Variants in POU2F1 observed in about 807,000 individuals in gnomAD.
The protein encoded by POU2F1 is POU domain, class 2, transcription factor 1.
POU2F1 carries 16 observed loss-of-function variants against 84.9 expected under a neutral mutation model. The ratio of observed to expected loss-of-function variants is 0.19; its 90% CI spans 0.13 to 0.29. The LOEUF (loss-of-function observed/expected upper bound fraction) is 0.29, where lower values mean the gene tolerates loss of function less well. POU2F1 is among the 10% of genes least tolerant of loss of function. The pLI, the probability that POU2F1 is intolerant of heterozygous loss-of-function variation, is 1.00. For synonymous variants in POU2F1, 368 were observed against 368.3 expected (o/e 1.00, Z 0.01); for missense variants, 738 against 942.6 (o/e 0.78, Z 2.84).
intron 1 of POU2F1, among the ~76,000 whole-genome samples, chr1:167,234,725 C>T (rs1649327015): frequency 6.6e-6 from 1 of 152,134 alleles, no homozygotes; most frequent in South Asian, 2.1e-4. Context: ...CAGAGCAATA[C>T]CATGTCTGTT....
Position 167,329,833 on chromosome 1 carries a change from A to G in POU2F1, c.62-2637A>G, listed in dbSNP as rs1373380246. ...AACAGATCTGTTGATCGATTTCCAG[A>G]TTTTAGAAACTATTAACTTTTCAAA... On this transcript the variant is annotated intron_variant, in intron 1 of 15. Coordinates refer to ENST00000367866, the MANE Select transcript of POU2F1 (RefSeq NM_002697.4). Among the ~76,000 whole-genome samples, 5 of 152,326 alleles carry G rather than the reference A, an allele frequency of 3.3e-5. No homozygotes were observed. In the East Asian group the frequency reaches 9.6e-4, roughly 29 times the overall value.
chr1:167,414,866 C>T (rs1650198196), intron 15 of POU2F1, among the ~76,000 whole-genome samples: 1 of 152,226 alleles, frequency 6.6e-6, no homozygotes, highest in East Asian at 1.9e-4. Context: ...AGATGATTTT[C>T]ATCTTGTATA....
chr1:167,292,028 CGTGTGTGT>C (rs146381984), intron 1 of POU2F1, among the ~76,000 whole-genome samples: 1 of 149,896 alleles, frequency 6.7e-6, no homozygotes, highest in African/African-American at 2.4e-5. Flanking sequence ...AAAATCTGTG[CGTGTGTGT>C]GTGTGTGTGT....
At chr1:167,221,227 C>A (rs1285828457) in intron 1 of POU2F1, among the ~76,000 whole-genome samples, 3 of 151,386 alleles carry the variant, frequency 2.0e-5, no homozygotes, top group African/African-American at 7.3e-5. Context: ...CGCCGCCGCT[C>A]GCCGTCTGCC....
chr1:167,256,127 A>G (rs1362467588), intron 1 of POU2F1, among the ~76,000 whole-genome samples: 1 of 152,176 alleles, frequency 6.6e-6, no homozygotes, highest in Non-Finnish European at 1.5e-5. Flanking sequence ...TAGGAGAAAG[A>G]TTCTTTGTGC....
chr1:167,395,214 C>T (rs1648720165), intron 9 of POU2F1, among the ~76,000 whole-genome samples: 1 of 152,112 alleles, frequency 6.6e-6, no homozygotes, highest in African/African-American at 2.4e-5. Context: ...AGGTTATAGG[C>T]TTATAGAGAA....
chr1:167,370,961 G>A (rs1659967981), intron 4 of POU2F1, among the ~76,000 whole-genome samples: 1 of 152,054 alleles, frequency 6.6e-6, no homozygotes, highest in South Asian at 2.1e-4. Context: ...TAGTGTTTAG[G>A]TAACTAGCAG....
chr1:167,236,258 A>G (rs1290492893), intron 1 of POU2F1, among the ~76,000 whole-genome samples: 1 of 151,694 alleles, frequency 6.6e-6, no homozygotes, highest in Non-Finnish European at 1.5e-5. Context: ...GCCTGCCACC[A>G]TGCCTGGCCA....
chr1:167,295,160 C>T (rs1175996221), intron 1 of POU2F1, among the ~76,000 whole-genome samples: 3 of 151,786 alleles, frequency 2.0e-5, no homozygotes, highest in African/African-American at 4.8e-5. Context: ...CCATTCTATC[C>T]AGCACTCCCA....
chr1:167,240,346 T>C (rs901673981), intron 1 of POU2F1, among the ~76,000 whole-genome samples: 6 of 152,250 alleles, frequency 3.9e-5, no homozygotes, highest in Non-Finnish European at 7.4e-5. Context: ...AATTACAAAA[T>C]GTATGCTTTG....
chr1:167,351,519 CAAAAAAAAAAAA>C (rs34170498), intron 2 of POU2F1, among the ~76,000 whole-genome samples: 2 of 45,996 alleles, frequency 4.3e-5, no homozygotes, highest in African/African-American at 7.2e-5. Flanking sequence ...AGCACCATCT[CAAAAAAAAAAAA>C]AAAAAAAAAA....
At chr1:167,368,510 C>A (rs1317863712) in intron 3 of POU2F1, among the ~76,000 whole-genome samples, 1 of 152,044 alleles carries the variant, frequency 6.6e-6, no homozygotes, top group Non-Finnish European at 1.5e-5. Flanking sequence ...GTAAATATCC[C>A]ATTCCTCAAC....
rs1650660159 is a variant in POU2F1 at position 167,421,727 on chromosome 1, A to G, written c.*5917A>G. 6.6e-6 allele frequency: 1 copy of G among 152,214 alleles called. No homozygotes were observed. The highest frequency in any genetic ancestry group is 6.5e-5 in the Admixed American group (1 of 15,284). The allele number at this position is 152,214 out of a possible 1,614,324, so 9.4% of individuals were successfully genotyped here. A position where few individuals can be genotyped will look rare whatever the true frequency, so the allele number is the denominator to read the frequency against. ...ATAAAATACCTCAGAATAGCTTAGCATTGTTGCAAAACTGGTTTTAAACTA... is the reference window on the plus strand; with the variant it reads ...ATAAAATACCTCAGAATAGCTTAGCGTTGTTGCAAAACTGGTTTTAAACTA... On this transcript the variant is annotated 3_prime_UTR_variant, in exon 16 of 16. Transcript: ENST00000367866.
intron 1 of POU2F1, among the ~76,000 whole-genome samples, chr1:167,237,519 T>C (rs933024071): frequency 6.6e-6 from 1 of 152,084 alleles, no homozygotes; most frequent in East Asian, 1.9e-4. Flanking sequence ...TTTTGAGTGA[T>C]GTCTGTGGAA....
intron 1 of POU2F1, among the ~76,000 whole-genome samples, chr1:167,307,875 C>T (rs1321107293): frequency 6.6e-6 from 1 of 152,026 alleles, no homozygotes; most frequent in Non-Finnish European, 1.5e-5. Context: ...GGAATAGTTC[C>T]ATAAGTCTTT....
chr1:167,376,003 T>C, intron 6 of POU2F1, 26 bp from the exon 7 acceptor site: 1 of 1,613,496 alleles, frequency 6.2e-7, no homozygotes. Context: ...GAATCTCCAA[T>C]CCATGTTTTA....
chr1:167,231,912 T>C (rs1482068897), intron 1 of POU2F1, among the ~76,000 whole-genome samples: 1 of 152,180 alleles, frequency 6.6e-6, no homozygotes, highest in Non-Finnish European at 1.5e-5. Context: ...AAGGGAACAC[T>C]ATGCAGACAT....
At chr1:167,337,310 T>G (rs774275334) in intron 2 of POU2F1, among the ~76,000 whole-genome samples, 83 of 151,518 alleles carry the variant, frequency 5.5e-4, no homozygotes, top group Non-Finnish European at 9.3e-4. Context: ...TGGGTGACAG[T>G]GAGACCTTGT....
At chr1:167,313,360 G>T (rs1655634228) in intron 1 of POU2F1, among the ~76,000 whole-genome samples, 1 of 152,126 alleles carries the variant, frequency 6.6e-6, no homozygotes, top group Non-Finnish European at 1.5e-5. Context: ...CAAAGGAATT[G>T]AAATAGCTGA....
Sources: gnomAD v4.1 joint callset for allele counts (sites outside exome capture counted in the v4.1 genomes callset) on GRCh38, gnomAD v4.1.1 for gene constraint, MANE v1.5 for transcripts, NCBI Gene and HGNC (gene_info 2026-07-23, HGNC 2026-07-21) for gene names.